BTBD9: variants seen among roughly 807,000 people sequenced by gnomAD.
The protein encoded by BTBD9 is BTB domain containing 9.
Under a neutral mutation model 64.3 loss-of-function variants are expected in BTBD9, and 49 were observed. The observed-to-expected ratio is 0.76, with a 90% CI of 0.61 to 0.97. The LOEUF (loss-of-function observed/expected upper bound fraction) is 0.97. BTBD9 is among the 50% of genes least tolerant of loss of function. The pLI, the probability that BTBD9 is intolerant of heterozygous loss-of-function variation, is 0.00. For missense variants in BTBD9, 598 were observed against 762.1 expected, an observed-to-expected ratio of 0.78 and a Z score of 2.53; for synonymous variants, 260 against 274.7, an observed-to-expected ratio of 0.95 and a Z score of 0.53.
At chr6:38,183,257 G>A (rs192802577) in intron 10 of BTBD9, among the ~76,000 whole-genome samples, 4,283 of 152,318 alleles carry the variant, frequency 0.028, 111 homozygotes, top group Middle Eastern at 0.065. Flanking sequence ...GATTACAGGT[G>A]TGAGCCACCG....
At position 38,385,794 on chromosome 6, in the gene BTBD9, C is replaced by CTTTTT. The variant is rs34019950; in HGVS notation, c.1155-40706_1155-40702dup. ...CTATTAGAGATTAAATAATATCATACTTTTTTTTTTTTTTTTTTGAGACAG... is the reference window on the plus strand; with the variant it reads ...CTATTAGAGATTAAATAATATCATACTTTTTTTTTTTTTTTTTTTTTTTGAGACAG... On this transcript the variant is annotated intron_variant, in intron 6 of 10. Coordinates refer to ENST00000481247, the MANE Select transcript of BTBD9 (RefSeq NM_001099272.2). Among the ~76,000 whole-genome samples, 179 of 129,392 alleles carry CTTTTT rather than the reference C, an allele frequency of 1.4e-3. 5 individuals carry two copies. The highest frequency in any genetic ancestry group is 4.4e-3 in the African/African-American group (149 of 33,844). The allele number at this position is 129,392 out of a possible 152,430, so 84.9% of individuals were successfully genotyped here. A position where few individuals can be genotyped will look rare whatever the true frequency, so the allele number is the denominator to read the frequency against.
intron 7 of BTBD9, among the ~76,000 whole-genome samples, chr6:38,332,134 C>T (rs1266619527): frequency 1.3e-5 from 2 of 151,744 alleles, no homozygotes; most frequent in African/African-American, 4.8e-5. Context: ...TTTTTTTGTA[C>T]TTATTTTGTC....
At chr6:38,543,023 T>C (rs1317961874) in intron 6 of BTBD9, among the ~76,000 whole-genome samples, 2 of 152,230 alleles carry the variant, frequency 1.3e-5, no homozygotes, top group Non-Finnish European at 2.9e-5. Context: ...TCTAAACTCT[T>C]ACCTAAAAGG....
intron 6 of BTBD9, among the ~76,000 whole-genome samples, chr6:38,348,345 C>A (rs1057382242): frequency 2.6e-5 from 4 of 152,146 alleles, no homozygotes; most frequent in African/African-American, 9.7e-5. Flanking sequence ...AGATTTATTT[C>A]TTTGCCTTTT....
At chr6:38,638,984 A>G (rs1778627392) in intron 1 of BTBD9, among the ~76,000 whole-genome samples, 1 of 152,198 alleles carries the variant, frequency 6.6e-6, no homozygotes. Flanking sequence ...CCACACAGTG[A>G]ACAGAATCCG....
chr6:38,298,102 G>A (rs9380732), intron 7 of BTBD9, among the ~76,000 whole-genome samples: 10,409 of 151,610 alleles, frequency 0.069, 926 homozygotes, highest in East Asian at 0.4. Flanking sequence ...TGATCTGCCC[G>A]CCTCGGCCTC....
intron 6 of BTBD9, among the ~76,000 whole-genome samples, chr6:38,565,668 T>G (rs1775460321): frequency 6.6e-6 from 1 of 152,160 alleles, no homozygotes; most frequent in South Asian, 2.1e-4. Flanking sequence ...ATAATGCCCA[T>G]TGTTGATAAC....
At chr6:38,517,716 C>A (rs945347656) in intron 6 of BTBD9, among the ~76,000 whole-genome samples, 3 of 151,786 alleles carry the variant, frequency 2.0e-5, no homozygotes, top group Non-Finnish European at 4.4e-5. Context: ...TCCTTGCAAC[C>A]CTTTCAGAAA....
chr6:38,376,018 A>T (rs1765684283), intron 6 of BTBD9, among the ~76,000 whole-genome samples: 1 of 152,204 alleles, frequency 6.6e-6, no homozygotes, highest in African/African-American at 2.4e-5. Context: ...CTGCTGTCTT[A>T]TATGTCATGT....
chr6:38,418,306 T>A (rs1767764909), intron 6 of BTBD9, among the ~76,000 whole-genome samples: 1 of 152,200 alleles, frequency 6.6e-6, no homozygotes, highest in South Asian at 2.1e-4. Flanking sequence ...GAAATTGGCC[T>A]AATTGTATGT....
At chr6:38,258,357 A>G (rs1222970978) in intron 8 of BTBD9, among the ~76,000 whole-genome samples, 1 of 152,166 alleles carries the variant, frequency 6.6e-6, no homozygotes, top group African/African-American at 2.4e-5. Flanking sequence ...ACAGTGCCAC[A>G]GGGGAGACAG....
chr6:38,348,178 T>C (rs993248855), intron 6 of BTBD9, among the ~76,000 whole-genome samples: 22 of 152,160 alleles, frequency 1.4e-4, no homozygotes, highest in Admixed American at 3.9e-4. Flanking sequence ...ACCCAAGTTA[T>C]TGAAAAATCC....
chr6:38,283,102 T>C (rs139223952), intron 8 of BTBD9, among the ~76,000 whole-genome samples: 1 of 152,194 alleles, frequency 6.6e-6, no homozygotes, highest in African/African-American at 2.4e-5. Context: ...GTTTGGAGTC[T>C]ACCCTTTCTA....
At position 38,503,482 on chromosome 6, in the gene BTBD9, T is replaced by C. The variant is rs371849859; in HGVS notation, c.1154+74118A>G. Among the ~76,000 whole-genome samples the C allele has an allele frequency of 1.9e-4, 29 of 152,228 alleles. No homozygotes were observed. The South Asian group carries it at 6.0e-3, about 32-fold the overall frequency. On this transcript the variant is annotated intron_variant, in intron 6 of 10. Coordinates refer to ENST00000481247, the MANE Select transcript of BTBD9 (RefSeq NM_001099272.2). ...GTTAAACATGCTTCCCCAACAGCCC[T>C]CTCAAGTTACTATTTTTTTCTCTTA...
intron 6 of BTBD9, among the ~76,000 whole-genome samples, chr6:38,561,096 T>G (rs1775243835): frequency 3.9e-5 from 6 of 152,164 alleles, no homozygotes; most frequent in Admixed American, 6.5e-5. Flanking sequence ...GGGTATATAC[T>G]CAGTAATGGG....
chr6:38,313,786 G>A (rs9394491), intron 7 of BTBD9, among the ~76,000 whole-genome samples: 8,751 of 135,660 alleles, frequency 0.065, 714 homozygotes, highest in East Asian at 0.38. Context: ...GTCTCACTCC[G>A]TCGTCCAGGC....
At chr6:38,175,930 C>T (rs1317958662) in intron 10 of BTBD9, among the ~76,000 whole-genome samples, 1 of 152,254 alleles carries the variant, frequency 6.6e-6, no homozygotes, top group Non-Finnish European at 1.5e-5. Context: ...AAGCCAGCCA[C>T]CTGGCCGACA....
At chr6:38,608,820 C>T (rs546011805) in intron 1 of BTBD9, among the ~76,000 whole-genome samples, 24 of 152,284 alleles carry the variant, frequency 1.6e-4, no homozygotes, top group South Asian at 1.2e-3. Context: ...AAATGTTCCA[C>T]GAATTATACT....
intron 6 of BTBD9, among the ~76,000 whole-genome samples, chr6:38,458,110 C>G (rs1769904730): frequency 6.6e-6 from 1 of 152,102 alleles, no homozygotes; most frequent in South Asian, 2.1e-4. Flanking sequence ...AAAAGGAGCC[C>G]TTCAAAACAG....
Sources: gnomAD v4.1 joint callset for allele counts (sites outside exome capture counted in the v4.1 genomes callset) on GRCh38, gnomAD v4.1.1 for gene constraint, MANE v1.5 for transcripts, NCBI Gene and HGNC (gene_info 2026-07-23, HGNC 2026-07-21) for gene names.